Variants in PHF14 observed in about 807,000 individuals in gnomAD.
PHF14 encodes PHD finger protein 14.
In PHF14, 55 loss-of-function variants were observed where a neutral mutation model predicts 117.9. That is an observed-to-expected ratio of 0.47 (90% CI 0.38 to 0.58). The LOEUF (loss-of-function observed/expected upper bound fraction) is 0.58, where lower values mean the gene tolerates loss of function less well. Among genes scored for constraint, PHF14 ranks in the 20% least tolerant of loss-of-function variants. The pLI, the probability that PHF14 is intolerant of heterozygous loss-of-function variation, is 0.00. For missense variants in PHF14, 978 were observed against 1,122.2 expected (o/e 0.87, Z 1.84); for synonymous variants, 409 against 368.6 (o/e 1.11, Z -1.26).
At chr7:11,151,657 C>T (rs1366658517) in intron 17 of PHF14, among the ~76,000 whole-genome samples, 1 of 152,084 alleles carries the variant, frequency 6.6e-6, no homozygotes, top group African/African-American at 2.4e-5. Flanking sequence ...TGAGATTTTC[C>T]TTTAAGACTC....
chr7:11,162,767 C>T (rs1395457698), intron 17 of PHF14, among the ~76,000 whole-genome samples: 1 of 149,830 alleles, frequency 6.7e-6, no homozygotes, highest in Non-Finnish European at 1.5e-5. Context: ...ATTGGCGCAA[C>T]CTCCGCTTCC....
intron 16 of PHF14, among the ~76,000 whole-genome samples, chr7:11,094,567 T>A (rs1283915390): frequency 6.6e-6 from 1 of 152,154 alleles, no homozygotes; most frequent in Non-Finnish European, 1.5e-5. Context: ...GATAACATAT[T>A]CACAGATTCA....
intron 17 of PHF14, among the ~76,000 whole-genome samples, chr7:11,134,632 G>A (rs902831857): frequency 1.1e-4 from 16 of 151,978 alleles, no homozygotes; most frequent in African/African-American, 3.9e-4. Flanking sequence ...CTTTTTGACA[G>A]CTAGTTAATG....
intron 2 of PHF14, among the ~76,000 whole-genome samples, chr7:10,977,705 T>C (rs1163709776): frequency 2.0e-5 from 3 of 152,094 alleles, no homozygotes; most frequent in African/African-American, 7.2e-5. Flanking sequence ...AGTCCTAAAA[T>C]AGGATATATA....
chr7:10,995,816 G>T (rs906377474), intron 4 of PHF14, among the ~76,000 whole-genome samples: 1 of 152,146 alleles, frequency 6.6e-6, no homozygotes, highest in African/African-American at 2.4e-5. Flanking sequence ...TCACTGCCCG[G>T]GGCTGGCAGT....
chr7:11,093,851 G>A (rs373115349), intron 16 of PHF14, among the ~76,000 whole-genome samples: 4 of 148,766 alleles, frequency 2.7e-5, no homozygotes, highest in Non-Finnish European at 4.6e-5. Context: ...CTGACTCTCA[G>A]GGGTAGGAGA....
intron 16 of PHF14, among the ~76,000 whole-genome samples, chr7:11,064,752 G>C (rs1441182693): frequency 6.6e-6 from 1 of 151,926 alleles, no homozygotes; most frequent in African/African-American, 2.4e-5. Flanking sequence ...TAATTAGTAA[G>C]TTTCAACTGT....
intron 14 of PHF14, among the ~76,000 whole-genome samples, chr7:11,054,023 CA>C (rs879351207): frequency 8.1e-4 from 114 of 140,560 alleles, no homozygotes; most frequent in Middle Eastern, 3.8e-3. Flanking sequence ...GTTGAAGCTC[CA>C]AAAAAAAAAA....
intron 16 of PHF14, chr7:11,071,200 A>G (rs1334429426): frequency 1.4e-5 from 7 of 503,618 alleles, no homozygotes; most frequent in Non-Finnish European, 2.8e-5. Flanking sequence ...AGAATACCTT[A>G]GGCTGTAACC....
chr7:11,037,110 A>G lies in PHF14; in HGVS notation c.1980+19A>G, dbSNP rs979149490. 1 of 1,461,112 alleles carries G rather than the reference A, an allele frequency of 6.8e-7. No homozygotes were observed. The highest frequency in any genetic ancestry group is 9.2e-7 in the Non-Finnish European group (1 of 1,086,132). The allele number at this position is 1,461,112 out of a possible 1,614,324, so 90.5% of individuals were successfully genotyped here. A position where few individuals can be genotyped will look rare whatever the true frequency, so the allele number is the denominator to read the frequency against. On this transcript the variant is annotated intron_variant, in intron 10 of 17. Transcript: ENST00000634607. ...TAATAAGGTAAGTTAGCTACAAAAT[A>G]TGCAACATAATGTGATAGATCTTAC... is the stretch of plus-strand genomic sequence containing the variant.
chr7:11,084,491 TTG>T (rs1786298186), intron 16 of PHF14, among the ~76,000 whole-genome samples: 1 of 121,236 alleles, frequency 8.2e-6, no homozygotes, highest in Admixed American at 9.2e-5. Context: ...GGGTTTACTC[TTG>T]TGTTTTTTTT....
intron 17 of PHF14, among the ~76,000 whole-genome samples, chr7:11,114,156 T>C (rs1787526842): frequency 6.6e-6 from 1 of 152,162 alleles, no homozygotes; most frequent in Non-Finnish European, 1.5e-5. Flanking sequence ...TCTGCGGTAG[T>C]CATGTTGTTA....
At chr7:11,145,297 T>TA (rs71023892) in intron 17 of PHF14, among the ~76,000 whole-genome samples, 2 of 145,640 alleles carry the variant, frequency 1.4e-5, no homozygotes, top group Non-Finnish European at 3.0e-5. Flanking sequence ...TTTTCTCTCT[T>TA]TTTTAAAATT....
chr7:11,136,701 G>A (rs890056786), intron 17 of PHF14, among the ~76,000 whole-genome samples: 6 of 151,820 alleles, frequency 4.0e-5, no homozygotes, highest in African/African-American at 1.5e-4. Context: ...GAATATGTAG[G>A]GTAAAGAAAA....
intron 16 of PHF14, among the ~76,000 whole-genome samples, chr7:11,101,561 T>C (rs964872733): frequency 1.3e-5 from 2 of 151,916 alleles, no homozygotes; most frequent in Non-Finnish European, 2.9e-5. Flanking sequence ...TCTTTGAAAA[T>C]TATGTTTCAC....
intron 6 of PHF14, among the ~76,000 whole-genome samples, chr7:11,023,373 C>T (rs971476800): frequency 6.6e-6 from 1 of 152,164 alleles, no homozygotes; most frequent in Non-Finnish European, 1.5e-5. Context: ...GATGCTGTTA[C>T]TGTAATTGTT....
chr7:11,019,068 T>G (rs1783633562), intron 5 of PHF14, among the ~76,000 whole-genome samples: 1 of 152,198 alleles, frequency 6.6e-6, no homozygotes, highest in Non-Finnish European at 1.5e-5. Context: ...TGAACCATGC[T>G]TGCAACCCAG....
intron 16 of PHF14, among the ~76,000 whole-genome samples, chr7:11,072,277 A>T (rs1785638222): frequency 6.6e-6 from 1 of 152,128 alleles, no homozygotes. Context: ...AAACAGCCAG[A>T]TCTTCTAAGA....
intron 6 of PHF14, among the ~76,000 whole-genome samples, chr7:11,023,685 G>T (rs778396714): frequency 3.3e-5 from 5 of 152,156 alleles, no homozygotes; most frequent in Non-Finnish European, 7.3e-5. Flanking sequence ...CAAATTAGCT[G>T]GGCGTGGTGG....
Sources: allele counts gnomAD v4.1 joint callset (sites outside exome capture counted in the v4.1 genomes callset), GRCh38; gene constraint gnomAD v4.1.1; transcripts MANE v1.5; gene names NCBI Gene and HGNC (gene_info 2026-07-23, HGNC 2026-07-21).